The following SNX30 variants were observed in gnomAD, a reference collection of about 807,000 sequenced individuals.
SNX30 encodes sorting nexin family member 30.
SNX30 carries 24 observed loss-of-function variants against 46.4 expected under a neutral mutation model. The ratio of observed to expected loss-of-function variants is 0.52; its 90% CI spans 0.37 to 0.73. The LOEUF (loss-of-function observed/expected upper bound fraction) is 0.73, where lower values mean the gene tolerates loss of function less well. Ranked by LOEUF, SNX30 falls within the 30% of genes least tolerant of loss-of-function variation. SNX30 has a pLI of 0.00. For synonymous variants in SNX30, 189 were observed against 211.5 expected (o/e 0.89, Z 0.92); for missense variants, 533 against 555.7 (o/e 0.96, Z 0.41).
chr9:112,762,608 A>T (rs1015702972), intron 1 of SNX30, among the ~76,000 whole-genome samples: 2 of 152,054 alleles, frequency 1.3e-5, no homozygotes, highest in African/African-American at 4.8e-5. Context: ...TTACAGGGGG[A>T]TTCTGAAGCT....
At chr9:112,885,165 T>C (rs946951828), downstream of SNX30, 1 of 152,166 alleles carries the variant, frequency 6.6e-6, no homozygotes, top group Non-Finnish European at 1.5e-5. Context: ...TATGAAATAA[T>C]GCAAAGAGCC....
chr9:112,753,028 G>A (rs1839300495), intron 1 of SNX30, among the ~76,000 whole-genome samples: 1 of 152,168 alleles, frequency 6.6e-6, no homozygotes, highest in Non-Finnish European at 1.5e-5. Flanking sequence ...ACTTATCTTG[G>A]AAATGACATG....
chr9:112,883,751 G>A (rs1001388869), downstream of SNX30, among the ~76,000 whole-genome samples: 3 of 147,818 alleles, frequency 2.0e-5, no homozygotes, highest in African/African-American at 7.5e-5. Context: ...AGGCTGGAGT[G>A]CAGTGGCACG....
intron 2 of SNX30, 143 bp from the exon 3 acceptor site, chr9:112,817,561 TA>T (rs1840419977): frequency 3.3e-6 from 2 of 613,772 alleles, no homozygotes; most frequent in African/African-American, 1.8e-5. Flanking sequence ...TCTGTGTTGG[TA>T]AACTCTGCCA....
intron 1 of SNX30, among the ~76,000 whole-genome samples, chr9:112,779,990 G>A (rs1218684894): frequency 6.6e-6 from 1 of 152,178 alleles, no homozygotes; most frequent in Non-Finnish European, 1.5e-5. Flanking sequence ...GTGTGCAAGG[G>A]TGAGGATCTT....
chr9:112,820,717 G>A (rs1479204528), intron 3 of SNX30, among the ~76,000 whole-genome samples: 1 of 152,030 alleles, frequency 6.6e-6, no homozygotes, highest in East Asian at 1.9e-4. Context: ...CCAGCCCCTG[G>A]CAACCACTCA....
intron 3 of SNX30, among the ~76,000 whole-genome samples, chr9:112,820,480 A>G (rs924867283): frequency 1.3e-5 from 2 of 152,236 alleles, no homozygotes; most frequent in Non-Finnish European, 2.9e-5. Flanking sequence ...ACTTATTATC[A>G]GTTGGAGACC....
At chr9:112,795,765 TCACACACACACACACACA>T (rs1554751568) in intron 1 of SNX30, among the ~76,000 whole-genome samples, 6 of 123,220 alleles carry the variant, frequency 4.9e-5, no homozygotes, top group Non-Finnish European at 8.7e-5. Context: ...CACAGTACAG[TCACACACACACACACACA>T]CACACACACA....
intron 5 of SNX30, among the ~76,000 whole-genome samples, chr9:112,837,210 ATTTTTT>A (rs371534570): frequency 6.7e-6 from 1 of 149,732 alleles, no homozygotes; most frequent in South Asian, 2.1e-4. Context: ...AAAAATCAAC[ATTTTTT>A]TTTTCTCATT....
At chr9:112,795,771 A>T (rs1000298487) in intron 1 of SNX30, among the ~76,000 whole-genome samples, 64 of 151,388 alleles carry the variant, frequency 4.2e-4, no homozygotes, top group Admixed American at 7.2e-4. Context: ...ACAGTCACAC[A>T]CACACACACA....
intron 3 of SNX30, 111 bp downstream of exon 3, chr9:112,817,926 A>G (rs1840426696): frequency 2.8e-6 from 2 of 720,422 alleles, no homozygotes; most frequent in Non-Finnish European, 5.0e-6. Flanking sequence ...CAGCAAACAT[A>G]TATAAAACAT....
downstream of SNX30, chr9:112,877,892 T>TG (rs962887421): frequency 6.6e-6 from 1 of 152,074 alleles, no homozygotes; most frequent in Admixed American, 6.6e-5. Flanking sequence ...TAATTTTAAT[T>TG]TTTTTTGTAG....
chr9:112,840,234 A>G (rs758900214), intron 6 of SNX30, among the ~76,000 whole-genome samples: 1 of 152,252 alleles, frequency 6.6e-6, no homozygotes, highest in Non-Finnish European at 1.5e-5. Context: ...GTGATAGGAT[A>G]AAGTCAGATT....
chr9:112,832,459 AGTGTGT>A (rs34515014), intron 4 of SNX30, among the ~76,000 whole-genome samples: 158 of 111,262 alleles, frequency 1.4e-3, no homozygotes, highest in East Asian at 2.2e-3. Flanking sequence ...AGAGAGAGAG[AGTGTGT>A]GTGTGTGTGT....
At chr9:112,805,987 T>G (rs1840219120) in intron 2 of SNX30, among the ~76,000 whole-genome samples, 1 of 152,260 alleles carries the variant, frequency 6.6e-6, no homozygotes, top group African/African-American at 2.4e-5. Flanking sequence ...TATCATTTGT[T>G]ACTTATGAAA....
At position 112,858,549 on chromosome 9, in the gene SNX30, T is replaced by C. The variant is rs149743716; in HGVS notation, c.1102-5698T>C. Among the ~76,000 whole-genome samples the C allele has an allele frequency of 5.3e-4, 81 of 152,222 alleles. 1 individual carries two copies. In the East Asian group the frequency reaches 0.015, roughly 28 times the overall value. On this transcript the variant is annotated intron_variant, in intron 7 of 8. Coordinates refer to ENST00000374232, the MANE Select transcript of SNX30 (RefSeq NM_001012994.2). ...AAAAAATAAAAGTAAAAAGAATGCT[T>C]AGTGTTACTGGTCAGTGAATTGATA...
chr9:112,796,255 G>C (rs775131415), intron 1 of SNX30, among the ~76,000 whole-genome samples: 1 of 152,210 alleles, frequency 6.6e-6, no homozygotes, highest in Non-Finnish European at 1.5e-5. Context: ...TCGGAGGCCC[G>C]GTGTGCTAGT....
chr9:112,792,797 A>G (rs922555473), intron 1 of SNX30, among the ~76,000 whole-genome samples: 1 of 152,000 alleles, frequency 6.6e-6, no homozygotes, highest in Non-Finnish European at 1.5e-5. Context: ...CAGAAGAATT[A>G]AATTTTGCTT....
intron 6 of SNX30, among the ~76,000 whole-genome samples, chr9:112,842,706 C>T (rs937128922): frequency 1.3e-5 from 2 of 152,224 alleles, no homozygotes; most frequent in Non-Finnish European, 2.9e-5. Flanking sequence ...CTTTTCAAGC[C>T]TGGCCTCCAA....
Sources: allele counts gnomAD v4.1 joint callset (sites outside exome capture counted in the v4.1 genomes callset), GRCh38; gene constraint gnomAD v4.1.1; transcripts MANE v1.5; gene names NCBI Gene and HGNC (gene_info 2026-07-23, HGNC 2026-07-21).